Variants in ABI3BP observed in about 807,000 individuals in gnomAD.
The protein encoded by ABI3BP is ABI family member 3 binding protein, also known as target of Nesh-SH3.
A neutral mutation model predicts 268.6 loss-of-function variants in ABI3BP; 216 were observed. That is an observed-to-expected ratio of 0.80 (90% CI 0.72 to 0.90). The LOEUF (loss-of-function observed/expected upper bound fraction) is 0.90, where lower values mean the gene tolerates loss of function less well. Ranked by LOEUF, ABI3BP falls within the 40% of genes least tolerant of loss-of-function variation. ABI3BP has a pLI of 0.00. For missense variants in ABI3BP, 2,090 were observed against 2,182.4 expected (o/e 0.96, Z 0.84); for synonymous variants, 730 against 730.0 (o/e 1.00, Z 0.00).
chr3:100,792,832 A>G (rs2097237546), intron 54 of ABI3BP, 64 bp from the exon 55 acceptor site: 1 of 1,384,668 alleles, frequency 7.2e-7, no homozygotes, highest in Non-Finnish European at 1.0e-6. Flanking sequence ...GACCAAAAAA[A>G]CCCATACTCT....
At chr3:100,915,542 G>A (rs1426035963) in intron 2 of ABI3BP, among the ~76,000 whole-genome samples, 1 of 152,172 alleles carries the variant, frequency 6.6e-6, no homozygotes, top group Non-Finnish European at 1.5e-5. Context: ...GGGACACCAG[G>A]GCAGGAGGAC....
At position 100,844,271 on chromosome 3, in the gene ABI3BP, G is replaced by A. The variant is rs566828083; in HGVS notation, c.1723+2101C>T. ...AGTGAAACAAACACCTGTAATTGGG[G>A]GCACCCCCTTATTTTCAGTCCATTA... On this transcript the variant is annotated intron_variant, in intron 20 of 67. Transcript: ENST00000471714. 6.0e-5 allele frequency: 59 copies of A among 985,382 alleles called. No homozygotes were observed. In the African/African-American group the frequency reaches 9.8e-4, roughly 16 times the overall value. 61.0% of individuals were successfully genotyped at this position (985,382 alleles called of 1,614,324 possible). A position where few individuals can be genotyped will look rare whatever the true frequency, so the allele number is the denominator to read the frequency against.
intron 62 of ABI3BP, 132 bp downstream of exon 62, chr3:100,770,611 G>A (rs1276688463): frequency 9.6e-6 from 7 of 729,074 alleles, no homozygotes; most frequent in Non-Finnish European, 1.2e-5. Context: ...TGCCTTAAAG[G>A]CAGCAAAACT....
intron 55 of ABI3BP, among the ~76,000 whole-genome samples, chr3:100,789,857 G>GTCCA (rs1560117040): frequency 1.3e-5 from 2 of 151,892 alleles, no homozygotes; most frequent in African/African-American, 2.4e-5. Context: ...CTGTTCATCT[G>GTCCA]TCCATCCATC....
intron 53 of ABI3BP, among the ~76,000 whole-genome samples, chr3:100,795,385 G>T (rs924639736): frequency 3.3e-5 from 5 of 152,002 alleles, no homozygotes; most frequent in African/African-American, 1.2e-4. Context: ...GAGTCTGCTT[G>T]AGTAGACTCA....
chr3:100,811,775 T>C lies in ABI3BP; in HGVS notation c.3446A>G (p.Tyr1149Cys). 1 of 1,535,556 alleles carries C rather than the reference T, an allele frequency of 6.5e-7. No homozygotes were observed. The highest frequency in any genetic ancestry group is 2.0e-5 in the Admixed American group (1 of 50,964). Residue 1149 changes from tyrosine to cysteine, a missense_variant, in exon 47 of 68, where the codon TAT (tyrosine) becomes TGT (cysteine). Coordinates refer to ENST00000471714, the MANE Select transcript of ABI3BP (RefSeq NM_001375547.2). Reference protein sequence around the residue: ...TIAPAKTDYVYPTAKAPLWPE... With the variant: ...TIAPAKTDYVCPTAKAPLWPE... ...CCAGAGTGGTGCTTTGGCAGTGGGA[T>C]ATACATAGTCTGTTTTGGCTGGTGC... is the stretch of plus-strand genomic sequence containing the variant.
intron 31 of ABI3BP, among the ~76,000 whole-genome samples, chr3:100,831,460 A>G (rs1475803184): frequency 1.3e-5 from 2 of 152,184 alleles, no homozygotes; most frequent in African/African-American, 2.4e-5. Context: ...TTTACTTAAC[A>G]TAAGTAGCTG....
At chr3:100,821,462 T>C (rs2098221292) in intron 38 of ABI3BP, among the ~76,000 whole-genome samples, 1 of 152,102 alleles carries the variant, frequency 6.6e-6, no homozygotes, top group Non-Finnish European at 1.5e-5. Flanking sequence ...CATGCCTTCA[T>C]GTGGAAAGAA....
At chr3:100,833,444 A>C (rs1241808735) in intron 29 of ABI3BP, among the ~76,000 whole-genome samples, 7 of 152,194 alleles carry the variant, frequency 4.6e-5, no homozygotes, top group Non-Finnish European at 8.8e-5. Context: ...GACATCTAAT[A>C]ATGTTATGTT....
At chr3:100,763,179 G>A (rs1406852790) in intron 63 of ABI3BP, among the ~76,000 whole-genome samples, 1 of 152,080 alleles carries the variant, frequency 6.6e-6, no homozygotes, top group Non-Finnish European at 1.5e-5. Context: ...TCTAGACGGG[G>A]GCTGGGCGTG....
intron 1 of ABI3BP, among the ~76,000 whole-genome samples, chr3:100,969,569 C>A (rs1169252973): frequency 1.3e-5 from 2 of 152,180 alleles, no homozygotes; most frequent in Non-Finnish European, 2.9e-5. Context: ...AGAACAGCAT[C>A]TTGTTCCAAA....
At chr3:100,818,657 G>T in intron 40 of ABI3BP, 76 bp from the exon 41 acceptor site, 1 of 1,144,820 alleles carries the variant, frequency 8.7e-7, no homozygotes, top group Non-Finnish European at 1.2e-6. Flanking sequence ...GCTTCAATCA[G>T]TATATAGCAA....
In ABI3BP at chr3:100,749,586, A is replaced by ACATT. The variant is rs899742197; in HGVS notation, c.*905_*908dup. Reference sequence around the variant, plus strand: ...AACAGTTACAAAGACATTCTCTGATACATTCATTCATAGAGGTCTTAACGT... The same window carrying ACATT: ...AACAGTTACAAAGACATTCTCTGATACATTCATTCATTCATAGAGGTCTTAACGT... On this transcript the variant is annotated 3_prime_UTR_variant, in exon 68 of 68. Transcript: ENST00000471714. 5.2e-6 allele frequency: 2 copies of ACATT among 388,256 alleles called. No homozygotes were observed. Among genetic ancestry groups the ACATT allele is most frequent in the African/African-American group, 5.0e-5 (2 of 40,222 alleles). The allele number at this position is 388,256 out of a possible 1,614,324, so 24.1% of individuals were successfully genotyped here.
chr3:100,987,016 T>A (rs2091964510), intron 1 of ABI3BP, among the ~76,000 whole-genome samples: 2 of 152,210 alleles, frequency 1.3e-5, no homozygotes, highest in South Asian at 4.1e-4. Context: ...ACTAGTAATC[T>A]CTCTAGATAA....
At chr3:100,778,516 G>C in intron 58 of ABI3BP, 140 bp from the exon 59 acceptor site, 2 of 713,018 alleles carry the variant, frequency 2.8e-6, no homozygotes, top group Non-Finnish European at 4.6e-6. Context: ...CTACAGAAAA[G>C]TGCACACAAA....
chr3:100,776,605 A>C (rs571033533), intron 59 of ABI3BP, among the ~76,000 whole-genome samples: 16 of 152,136 alleles, frequency 1.1e-4, no homozygotes, highest in Admixed American at 9.8e-4. Context: ...TTCAAGATAC[A>C]CTTTCTGTGA....
intron 14 of ABI3BP, 142 bp from the exon 15 acceptor site, chr3:100,852,082 C>A: frequency 1.4e-6 from 1 of 704,460 alleles, no homozygotes; most frequent in South Asian, 1.9e-5. Context: ...CTCCAGGCTG[C>A]CAGCCTTGTC....
chr3:100,920,322 T>A (rs866620848), intron 2 of ABI3BP, among the ~76,000 whole-genome samples: 1 of 152,214 alleles, frequency 6.6e-6, no homozygotes, highest in Non-Finnish European at 1.5e-5. Context: ...TCAGAAGTGT[T>A]AGGTAAATTT....
chr3:100,853,858 A>G (rs2098900338), intron 14 of ABI3BP, among the ~76,000 whole-genome samples: 1 of 152,196 alleles, frequency 6.6e-6, no homozygotes, highest in Non-Finnish European at 1.5e-5. Flanking sequence ...TTTATCAAAT[A>G]TACTTAAGAC....
Sources: gnomAD v4.1 joint callset for allele counts (sites outside exome capture counted in the v4.1 genomes callset) on GRCh38, gnomAD v4.1.1 for gene constraint, MANE v1.5 for transcripts, NCBI Gene and HGNC (gene_info 2026-07-23, HGNC 2026-07-21) for gene names.